The following WWOX variants were observed in gnomAD, a reference collection of about 807,000 sequenced individuals.
WWOX encodes the protein WW domain-containing oxidoreductase.
WWOX carries 69 observed loss-of-function variants against 46.2 expected under a neutral mutation model. The ratio of observed to expected loss-of-function variants is 1.49; its 90% confidence interval spans 1.23 to 1.82. The LOEUF (loss-of-function observed/expected upper bound fraction) is 1.82, where lower values mean the gene tolerates loss of function less well. WWOX is among the 40% of genes most tolerant of loss of function. WWOX has a pLI of 0.00. For missense variants in WWOX, 919 were observed against 542.6 expected (o/e 1.69, Z -6.89); for synonymous variants, 359 against 202.6 (o/e 1.77, Z -6.56).
intron 8 of WWOX, among the ~76,000 whole-genome samples, chr16:78,781,902 G>C (rs2050335819): frequency 6.6e-6 from 1 of 152,146 alleles, no homozygotes; most frequent in Admixed American, 6.5e-5. Flanking sequence ...ATGTTCACAG[G>C]TCTTTACATG....
At position 78,815,031 on chromosome 16, in the gene WWOX, A is replaced by G. The variant is rs138152879; in HGVS notation, c.1056+382279A>G. 1.2e-3 allele frequency among the ~76,000 whole-genome samples: 190 copies of G among 152,308 alleles called. No homozygotes were observed. In the Middle Eastern group the frequency reaches 0.014, roughly 11 times the overall value. ...TCACTTCACCACCTTCCTCTGTAGA[A>G]GGTTTCGTCCAGGCCGGGCACAGTG... On this transcript the variant is annotated intron_variant, in intron 8 of 8. Coordinates refer to ENST00000566780, the MANE Select transcript of WWOX (RefSeq NM_016373.4).
At chr16:78,993,258 A>G (rs980725174) in intron 8 of WWOX, among the ~76,000 whole-genome samples, 1 of 141,036 alleles carries the variant, frequency 7.1e-6, no homozygotes, top group African/African-American at 2.6e-5. Context: ...AAACTTTACT[A>G]TTTGGGGGTG....
At chr16:78,466,847 C>G (rs2084090367) in intron 8 of WWOX, among the ~76,000 whole-genome samples, 1 of 146,456 alleles carries the variant, frequency 6.8e-6, no homozygotes, top group Non-Finnish European at 1.5e-5. Flanking sequence ...GACTCCGTCT[C>G]AAAAAAAAAA....
At chr16:78,134,737 A>G (rs1326450884) in intron 4 of WWOX, among the ~76,000 whole-genome samples, 2 of 152,214 alleles carry the variant, frequency 1.3e-5, no homozygotes, top group South Asian at 2.1e-4. Context: ...GTTGTTTGCA[A>G]TTAATGGCAG....
At chr16:78,710,425 A>ATGCAAGAAT (rs1185602811) in intron 8 of WWOX, among the ~76,000 whole-genome samples, 1 of 136,836 alleles carries the variant, frequency 7.3e-6, no homozygotes, top group African/African-American at 2.7e-5. Context: ...CACCAGTGGG[A>ATGCAAGAAT]TGCAAGAATT....
intron 5 of WWOX, among the ~76,000 whole-genome samples, chr16:78,360,041 C>T (rs886131427): frequency 1.3e-5 from 2 of 151,900 alleles, no homozygotes; most frequent in East Asian, 1.9e-4. Flanking sequence ...TTTTTAAAAA[C>T]AAAACAAAAA....
chr16:78,634,984 C>G (rs1044901032), intron 8 of WWOX, among the ~76,000 whole-genome samples: 5 of 152,128 alleles, frequency 3.3e-5, no homozygotes, highest in Admixed American at 2.6e-4. Context: ...TAAATAAATT[C>G]ATACCAGCTT....
intron 8 of WWOX, among the ~76,000 whole-genome samples, chr16:78,621,545 G>A (rs561981740): frequency 7.4e-6 from 1 of 135,836 alleles, no homozygotes; most frequent in African/African-American, 2.7e-5. Flanking sequence ...TTATTGGCCA[G>A]TATATTCAAT....
chr16:79,197,690 CAT>C (rs1239854536), intron 8 of WWOX, among the ~76,000 whole-genome samples: 1 of 152,136 alleles, frequency 6.6e-6, no homozygotes, highest in Non-Finnish European at 1.5e-5. Flanking sequence ...ACATGAAAAA[CAT>C]ATTGCTTGGT....
intron 8 of WWOX, among the ~76,000 whole-genome samples, chr16:79,164,516 C>G (rs1420258061): frequency 6.6e-6 from 1 of 152,076 alleles, no homozygotes; most frequent in Non-Finnish European, 1.5e-5. Flanking sequence ...CACCAGGCAT[C>G]AGCGCTGTTA....
chr16:78,885,298 A>G (rs1000981896), intron 8 of WWOX, among the ~76,000 whole-genome samples: 1 of 151,030 alleles, frequency 6.6e-6, no homozygotes, highest in Admixed American at 6.6e-5. Flanking sequence ...TTACTAAATT[A>G]TCCAGTCTTA....
chr16:78,291,739 A>G (rs1214521018), intron 5 of WWOX, among the ~76,000 whole-genome samples: 1 of 152,216 alleles, frequency 6.6e-6, no homozygotes, highest in African/African-American at 2.4e-5. Context: ...AAGCAAAATT[A>G]GCACTTTATC....
intron 8 of WWOX, among the ~76,000 whole-genome samples, chr16:78,967,317 A>G (rs2046380654): frequency 4.0e-5 from 3 of 75,366 alleles, no homozygotes; most frequent in African/African-American, 4.6e-5. Flanking sequence ...TTTTTTTGAG[A>G]CTCACTCTGT....
chr16:78,243,281 G>A (rs1332838141), intron 5 of WWOX, among the ~76,000 whole-genome samples: 1 of 152,226 alleles, frequency 6.6e-6, no homozygotes, highest in Admixed American at 6.5e-5. Flanking sequence ...AGTGTTGAGT[G>A]TAAATGATAT....
chr16:78,336,270 C>T (rs1311831144), intron 5 of WWOX, among the ~76,000 whole-genome samples: 1 of 145,564 alleles, frequency 6.9e-6, no homozygotes, highest in Non-Finnish European at 1.5e-5. Context: ...GTCAAGAATT[C>T]AAAACCAGCC....
At chr16:78,954,063 C>G (rs1024937665) in intron 8 of WWOX, among the ~76,000 whole-genome samples, 6 of 152,200 alleles carry the variant, frequency 3.9e-5, no homozygotes, top group South Asian at 2.1e-4. Flanking sequence ...AAGGCAAGGA[C>G]CATATCTTAT....
chr16:78,558,512 G>A lies in WWOX; in HGVS notation c.1056+125760G>A, dbSNP rs148849701. Among the ~76,000 whole-genome samples the A allele has an allele frequency of 3.9e-5, 6 of 152,362 alleles. No homozygotes were observed. In the East Asian group the frequency reaches 9.6e-4, roughly 24 times the overall value. ...CTTGAGCAGCGGCTGCCCCTCTTTAGCTGGGGCATGTGCCCTGTGGTTTGC... is the reference window on the plus strand; with the variant it reads ...CTTGAGCAGCGGCTGCCCCTCTTTAACTGGGGCATGTGCCCTGTGGTTTGC... On this transcript the variant is annotated intron_variant, in intron 8 of 8. Coordinates refer to ENST00000566780, the MANE Select transcript of WWOX (RefSeq NM_016373.4).
chr16:78,930,283 T>A (rs1396945898), intron 8 of WWOX, among the ~76,000 whole-genome samples: 2 of 61,400 alleles, frequency 3.3e-5, no homozygotes, highest in African/African-American at 7.3e-5. Context: ...CTCTTTCTTT[T>A]TTTATTTTTT....
intron 4 of WWOX, among the ~76,000 whole-genome samples, chr16:78,139,686 A>G (rs1002374968): frequency 6.6e-6 from 1 of 152,158 alleles, no homozygotes; most frequent in Non-Finnish European, 1.5e-5. Context: ...AGTTTTCTGT[A>G]TTGAAAATGT....
Sources: gnomAD v4.1 joint callset for allele counts (sites outside exome capture counted in the v4.1 genomes callset) on GRCh38, gnomAD v4.1.1 for gene constraint, MANE v1.5 for transcripts, NCBI Gene and HGNC (gene_info 2026-07-23, HGNC 2026-07-21) for gene names.